The following CSF1R variants were observed in gnomAD, a reference collection of about 807,000 sequenced individuals.
CSF1R encodes colony stimulating factor 1 receptor, also known as macrophage colony-stimulating factor 1 receptor.
A neutral mutation model predicts 110.0 loss-of-function variants in CSF1R; 40 were observed. The observed-to-expected ratio is 0.36, with a 90% CI of 0.28 to 0.47. The LOEUF (loss-of-function observed/expected upper bound fraction) is 0.47, where lower values mean the gene tolerates loss of function less well. Among genes scored for constraint, CSF1R ranks in the 20% least tolerant of loss-of-function variants. CSF1R has a pLI of 0.99. For synonymous variants in CSF1R, 523 were observed against 503.4 expected, an observed-to-expected ratio of 1.04 and a Z score of -0.52; for missense variants, 1,052 against 1,253.0, an observed-to-expected ratio of 0.84 and a Z score of 2.42.
In CSF1R at chr5:150,060,989, C is replaced by T. The variant is rs1445428533; in HGVS notation, c.1859-17G>A. On this transcript the variant is annotated splice_polypyrimidine_tract_variant and intron_variant, in intron 12 of 20. Coordinates refer to ENST00000675795, the MANE Select transcript of CSF1R (RefSeq NM_001288705.3). ...GGGCCGTGGCTGGGAGGAAGAACCA[C>T]AGTCCCAAAGACAGGGAGAGGGCAG... 1 of 1,562,458 alleles carries T rather than the reference C, an allele frequency of 6.4e-7. No homozygotes were observed. The highest frequency in any genetic ancestry group is 8.7e-7 in the Non-Finnish European group (1 of 1,145,800).
chr5:150,093,169 C>T (rs558963418), intron 1 of CSF1R, among the ~76,000 whole-genome samples: 1 of 152,266 alleles, frequency 6.6e-6, no homozygotes, highest in Admixed American at 6.5e-5. Flanking sequence ...ACTTCCACCT[C>T]CCAGGTTCAA....
chr5:150,076,835 C>T (rs935935195), intron 5 of CSF1R: 1 of 235,398 alleles, frequency 4.2e-6, no homozygotes, highest in Non-Finnish European at 8.4e-6. Context: ...TTCATTCTTC[C>T]CATCCCAGTT....
At chr5:150,058,257 G>C (rs978335653) in intron 14 of CSF1R, 7 of 456,174 alleles carry the variant, frequency 1.5e-5, no homozygotes, top group African/African-American at 8.0e-5. Context: ...ACTTCCAACA[G>C]TCCTCAAGAG....
chr5:150,079,108 A>C (rs1340991191), intron 3 of CSF1R, among the ~76,000 whole-genome samples: 1 of 152,224 alleles, frequency 6.6e-6, no homozygotes, highest in Admixed American at 6.5e-5. Context: ...GCCCAGGGAC[A>C]TGAAAGGACT....
intron 1 of CSF1R, among the ~76,000 whole-genome samples, chr5:150,100,290 C>CTT (rs752638971): frequency 0.032 from 2,870 of 89,200 alleles, 487 homozygotes; most frequent in African/African-American, 0.047. Flanking sequence ...ATTGGCTAAC[C>CTT]TTTTTTTTTT....
intron 10 of CSF1R, among the ~76,000 whole-genome samples, chr5:150,065,595 T>A (rs1219771492): frequency 6.6e-6 from 1 of 152,140 alleles, no homozygotes; most frequent in Non-Finnish European, 1.5e-5. Context: ...GGGGCAAGGC[T>A]CCGAACCTCA....
chr5:150,065,781 C>T (rs1757742888), intron 10 of CSF1R, among the ~76,000 whole-genome samples: 1 of 152,200 alleles, frequency 6.6e-6, no homozygotes, highest in Non-Finnish European at 1.5e-5. Flanking sequence ...CCAGGGGCAG[C>T]TGAATTTCCT....
chr5:150,101,524 G>A (rs1276855779), intron 1 of CSF1R, among the ~76,000 whole-genome samples: 3 of 152,204 alleles, frequency 2.0e-5, no homozygotes, highest in Admixed American at 1.3e-4. Context: ...GGAAGAGAAA[G>A]AAGGGCATCT....
intron 5 of CSF1R, 44 bp from the exon 6 acceptor site, chr5:150,073,537 G>A (rs540245548): frequency 1.9e-6 from 3 of 1,581,846 alleles, no homozygotes; most frequent in South Asian, 2.3e-5. Context: ...GTGGGAAGAT[G>A]TCCTTGTTTA....
rs1758088633 is a variant in CSF1R at position 150,072,937 on chromosome 5, G to A, written c.1082+364C>T. ...AACTTGTGCAGTCATTATCAGGAGT[G>A]TGTCTATGAGTGGGGCTGTTTTCTG... On this transcript the variant is annotated intron_variant, in intron 6 of 20. Transcript: ENST00000675795. Among the ~76,000 whole-genome samples the A allele has an allele frequency of 2.6e-5, 4 of 152,300 alleles. No homozygotes were observed. In the South Asian group the frequency reaches 8.3e-4, roughly 32 times the overall value.
chr5:150,095,155 G>A (rs1759185203), intron 1 of CSF1R: 2 of 678,390 alleles, frequency 2.9e-6, no homozygotes, highest in South Asian at 4.0e-5. Context: ...CAAACTACAT[G>A]AAACAAAACT....
intron 5 of CSF1R, among the ~76,000 whole-genome samples, chr5:150,076,575 A>G (rs780393878): frequency 3.9e-5 from 6 of 151,952 alleles, no homozygotes; most frequent in Non-Finnish European, 4.4e-5. Context: ...CCTCTTTACA[A>G]TGACCTCCCA....
intron 5 of CSF1R, 84 bp from the exon 6 acceptor site, chr5:150,073,577 C>G: frequency 7.0e-7 from 1 of 1,422,828 alleles, no homozygotes; most frequent in Non-Finnish European, 9.7e-7. Flanking sequence ...ACCCATTGAT[C>G]CAGTCCCTGA....
At chr5:150,103,102 G>A (rs1759452077) in intron 1 of CSF1R, among the ~76,000 whole-genome samples, 1 of 152,224 alleles carries the variant, frequency 6.6e-6, no homozygotes, top group Admixed American at 6.5e-5. Context: ...AGGAGGGTTT[G>A]TGACTTATCT....
chr5:150,077,039 A>C (rs922565804), intron 5 of CSF1R: 5 of 568,572 alleles, frequency 8.8e-6, no homozygotes, highest in Non-Finnish European at 1.3e-5. Flanking sequence ...AAATGGCACT[A>C]AGGTGCACCC....
chr5:150,101,349 C>T (rs1403204609), intron 1 of CSF1R, among the ~76,000 whole-genome samples: 1 of 152,216 alleles, frequency 6.6e-6, no homozygotes, highest in Non-Finnish European at 1.5e-5. Flanking sequence ...CCTAGCAATC[C>T]AGCCAGATCA....
chr5:150,102,377 T>C (rs1364001441), intron 1 of CSF1R, among the ~76,000 whole-genome samples: 1 of 152,240 alleles, frequency 6.6e-6, no homozygotes, highest in African/African-American at 2.4e-5. Context: ...ATTTTCTGTA[T>C]GAGTGATGAA....
intron 1 of CSF1R, among the ~76,000 whole-genome samples, chr5:150,081,771 C>A (rs1236418149): frequency 6.6e-6 from 1 of 152,252 alleles, no homozygotes; most frequent in African/African-American, 2.4e-5. Context: ...CCGGCACCCC[C>A]ACACATCTGT....
intron 1 of CSF1R, among the ~76,000 whole-genome samples, chr5:150,085,132 A>G (rs1758778721): frequency 6.6e-6 from 1 of 151,974 alleles, no homozygotes; most frequent in Admixed American, 6.6e-5. Context: ...TACAAAAATT[A>G]GCCAGTCATG....
Sources: allele counts gnomAD v4.1 joint callset (sites outside exome capture counted in the v4.1 genomes callset), GRCh38; gene constraint gnomAD v4.1.1; transcripts MANE v1.5; gene names NCBI Gene and HGNC (gene_info 2026-07-23, HGNC 2026-07-21).